Variants in HOMER2 observed in about 807,000 individuals in gnomAD.
HOMER2 encodes homer protein homolog 2.
In HOMER2, 27 loss-of-function variants were observed where a neutral mutation model predicts 47.0. The ratio of observed to expected loss-of-function variants is 0.57; its 90% CI spans 0.42 to 0.79. The LOEUF (loss-of-function observed/expected upper bound fraction) is 0.79, where lower values mean the gene tolerates loss of function less well. Among genes scored for constraint, HOMER2 ranks in the 30% least tolerant of loss-of-function variants. The pLI is 0.00. For synonymous variants in HOMER2, 161 were observed against 163.8 expected (o/e 0.98, Z 0.13); for missense variants, 443 against 435.0 (o/e 1.02, Z -0.16).
chr15:82,946,671 C>T (rs187286167), intron 1 of HOMER2, among the ~76,000 whole-genome samples: 5 of 152,188 alleles, frequency 3.3e-5, no homozygotes, highest in Admixed American at 3.3e-4. Flanking sequence ...TATCCTATTG[C>T]TATGTAATAA....
At chr15:82,937,910 C>T (rs2054176786) in intron 1 of HOMER2, among the ~76,000 whole-genome samples, 1 of 152,204 alleles carries the variant, frequency 6.6e-6, no homozygotes, top group Admixed American at 6.5e-5. Context: ...GGCAGCTTTA[C>T]AAAGTCACAG....
intron 1 of HOMER2, among the ~76,000 whole-genome samples, chr15:82,904,398 A>G (rs1363331571): frequency 1.3e-5 from 2 of 152,212 alleles, no homozygotes; most frequent in African/African-American, 2.4e-5. Context: ...GAGGGATCCA[A>G]TCATAGGGGG....
Position 82,859,149 on chromosome 15 carries a change from G to A in HOMER2, c.388-14C>T, listed in dbSNP as rs1428293060. On this transcript the variant is annotated splice_polypyrimidine_tract_variant and intron_variant, in intron 4 of 8. Transcript: ENST00000450735. ...GACACTGGATGCCTGAGTAGAAGATGGGGTTTCACGCCCAGATTCCTGGCC... is the reference window on the plus strand; with the variant it reads ...GACACTGGATGCCTGAGTAGAAGATAGGGTTTCACGCCCAGATTCCTGGCC... 4 of 1,613,964 alleles carry A rather than the reference G, an allele frequency of 2.5e-6. No individual in the cohort carries two copies. Among genetic ancestry groups the A allele is most frequent in the Non-Finnish European group, 2.5e-6 (3 of 1,179,884 alleles).
chr15:82,895,105 T>C, intron 1 of HOMER2, among the ~76,000 whole-genome samples: 1 of 152,358 alleles, frequency 6.6e-6, no homozygotes, highest in South Asian at 2.1e-4. Flanking sequence ...CTATTAATGC[T>C]GCTTCAATGC....
intron 3 of HOMER2, among the ~76,000 whole-genome samples, chr15:82,874,097 T>C (rs1478824738): frequency 6.6e-6 from 1 of 152,210 alleles, no homozygotes; most frequent in Non-Finnish European, 1.5e-5. Context: ...AATCTGGAAA[T>C]TTGTGAAGCC....
At chr15:82,947,744 T>C (rs1212590083) in intron 1 of HOMER2, among the ~76,000 whole-genome samples, 2 of 152,304 alleles carry the variant, frequency 1.3e-5, no homozygotes, top group Admixed American at 1.3e-4. Context: ...TTATCACAGC[T>C]TCCAGGCCAG....
At chr15:82,906,306 C>G (rs1372517469) in intron 1 of HOMER2, among the ~76,000 whole-genome samples, 2 of 152,088 alleles carry the variant, frequency 1.3e-5, no homozygotes, top group Non-Finnish European at 2.9e-5. Flanking sequence ...AAATAGAAAA[C>G]AGTAACAAAT....
At position 82,849,622 on chromosome 15, in the gene HOMER2, A is replaced by G; in HGVS notation, c.*93T>C. On this transcript the variant is annotated 3_prime_UTR_variant, in exon 9 of 9. Coordinates refer to ENST00000450735, the MANE Select transcript of HOMER2 (RefSeq NM_004839.4). ...AACACGACAAACTGCGCCTGCATTT[A>G]CAGAAGCAATGCACACAGAAGAACG... 9.1e-7 allele frequency: 1 copy of G among 1,097,208 alleles called. No individual in the cohort carries two copies. Among genetic ancestry groups the G allele is most frequent in the Non-Finnish European group, 1.3e-6 (1 of 778,218 alleles). The allele number at this position is 1,097,208 out of a possible 1,614,324, so 68.0% of individuals were successfully genotyped here.
At chr15:82,919,872 C>A (rs546315262) in intron 1 of HOMER2, among the ~76,000 whole-genome samples, 9 of 152,194 alleles carry the variant, frequency 5.9e-5, no homozygotes, top group Admixed American at 3.9e-4. Context: ...CGGTATCTTT[C>A]GTGCACTTCA....
chr15:82,842,215 A>G (rs1479719612), exon 2 of HOMER2: 1 of 152,216 alleles, frequency 6.6e-6, no homozygotes, highest in Non-Finnish European at 1.5e-5. Flanking sequence ...TAAAGATGTT[A>G]GTCCTCTTGT....
At chr15:82,836,711 A>T (rs1412353380), downstream of HOMER2, among the ~76,000 whole-genome samples, 1 of 152,226 alleles carries the variant, frequency 6.6e-6, no homozygotes, top group Non-Finnish European at 1.5e-5. Flanking sequence ...GGCCAGTCAG[A>T]CTTGTGTATT....
At chr15:82,918,814 A>G (rs1008443074) in intron 1 of HOMER2, among the ~76,000 whole-genome samples, 1 of 152,162 alleles carries the variant, frequency 6.6e-6, no homozygotes. Flanking sequence ...CCTCCTACCT[A>G]GTAGTGTCCT....
intron 1 of HOMER2, among the ~76,000 whole-genome samples, chr15:82,941,135 C>T (rs2054257422): frequency 6.6e-6 from 1 of 151,962 alleles, no homozygotes; most frequent in African/African-American, 2.4e-5. Flanking sequence ...TACTACCCTT[C>T]ATTACTATCT....
At chr15:82,928,925 CA>C (rs1010200226) in intron 1 of HOMER2, among the ~76,000 whole-genome samples, 25 of 23,624 alleles carry the variant, frequency 1.1e-3, no homozygotes, top group African/African-American at 9.0e-3. Flanking sequence ...TAACAACTGG[CA>C]AAAAAATAAA....
chr15:82,883,050 C>T lies in HOMER2; in HGVS notation c.163-7646G>A, dbSNP rs1282768575. On this transcript the variant is annotated intron_variant, in intron 2 of 8. Coordinates refer to ENST00000450735, the MANE Select transcript of HOMER2 (RefSeq NM_004839.4). ...CCAATGCTATCCCTCCCCCATCCCC[C>T]GACCCCACCACAGTCCCCAGAGTGT... 1.1e-4 allele frequency among the ~76,000 whole-genome samples: 4 copies of T among 35,824 alleles called. 1 individual carries two copies. Among genetic ancestry groups the T allele is most frequent in the African/African-American group, 1.6e-4 (1 of 6,194 alleles). 23.5% of individuals were successfully genotyped at this position (35,824 alleles called of 152,430 possible). A position where few individuals can be genotyped will look rare whatever the true frequency, so the allele number is the denominator to read the frequency against.
At chr15:82,956,912 G>T (rs565936013), upstream of HOMER2, among the ~76,000 whole-genome samples, 4 of 152,304 alleles carry the variant, frequency 2.6e-5, no homozygotes, top group African/African-American at 9.6e-5. Flanking sequence ...GTGACCACGG[G>T]CAAGTTTTTA....
chr15:82,942,213 C>T (rs1246969543), intron 1 of HOMER2, among the ~76,000 whole-genome samples: 2 of 152,214 alleles, frequency 1.3e-5, no homozygotes, highest in African/African-American at 4.8e-5. Flanking sequence ...TACCTGCTCA[C>T]CAGCCATCTC....
chr15:82,914,913 G>A (rs1181815730), intron 1 of HOMER2, among the ~76,000 whole-genome samples: 1 of 152,188 alleles, frequency 6.6e-6, no homozygotes, highest in Non-Finnish European at 1.5e-5. Context: ...GGTGGGCACA[G>A]TGGCTCACAC....
chr15:82,839,779 A>G (rs2051158180), exon 2 of HOMER2: 1 of 152,202 alleles, frequency 6.6e-6, no homozygotes, highest in Non-Finnish European at 1.5e-5. Flanking sequence ...ATAATATTAT[A>G]CTTTGTAAGG....
Sources: allele counts gnomAD v4.1 joint callset (sites outside exome capture counted in the v4.1 genomes callset), GRCh38; gene constraint gnomAD v4.1.1; transcripts MANE v1.5; gene names NCBI Gene and HGNC (gene_info 2026-07-23, HGNC 2026-07-21).